Variants in COL22A1 observed in about 807,000 individuals in gnomAD.
The protein encoded by COL22A1 is collagen type XXII alpha 1 chain.
In COL22A1, 221 loss-of-function variants were observed where a neutral mutation model predicts 248.9. The ratio of observed to expected loss-of-function variants is 0.89; its 90% CI spans 0.80 to 0.99. COL22A1 has a LOEUF of 0.99. Ranked by LOEUF, COL22A1 falls within the 50% of genes least tolerant of loss-of-function variation. COL22A1 has a pLI of 0.00. For synonymous variants in COL22A1, 891 were observed against 793.4 expected, an observed-to-expected ratio of 1.12 and a Z score of -2.07; for missense variants, 2,240 against 2,179.0, an observed-to-expected ratio of 1.03 and a Z score of -0.56.
chr8:138,884,751 A>G (rs191535231), intron 1 of COL22A1, among the ~76,000 whole-genome samples: 68 of 152,292 alleles, frequency 4.5e-4, no homozygotes, highest in African/African-American at 1.6e-3. Flanking sequence ...GGGTTAGCCA[A>G]ACATAAAAAA....
At chr8:138,842,366 T>G (rs1820946969) in intron 4 of COL22A1, among the ~76,000 whole-genome samples, 1 of 152,178 alleles carries the variant, frequency 6.6e-6, no homozygotes, top group Admixed American at 6.5e-5. Flanking sequence ...TATGGATATG[T>G]GTGTTAGATA....
At chr8:138,694,091 A>G (rs901342376) in intron 34 of COL22A1, among the ~76,000 whole-genome samples, 2 of 152,158 alleles carry the variant, frequency 1.3e-5, no homozygotes, top group African/African-American at 4.8e-5. Flanking sequence ...GAATCAAAGC[A>G]CTAACATGTA....
intron 32 of COL22A1, among the ~76,000 whole-genome samples, chr8:138,698,654 C>T (rs191232971): frequency 6.0e-5 from 9 of 149,822 alleles, no homozygotes; most frequent in African/African-American, 2.2e-4. Flanking sequence ...GAAAGAGGTG[C>T]TGTGTCCCTC....
chr8:138,791,695 G>T (rs1418980347), intron 12 of COL22A1, among the ~76,000 whole-genome samples: 1 of 152,176 alleles, frequency 6.6e-6, no homozygotes. Context: ...GCTCTGAGAA[G>T]GCTGCATCCC....
At chr8:138,753,591 A>C (rs559867097) in intron 21 of COL22A1, among the ~76,000 whole-genome samples, 16 of 152,350 alleles carry the variant, frequency 1.1e-4, no homozygotes, top group African/African-American at 3.6e-4. Context: ...ATTCCAATTC[A>C]TCATCTAGAA....
At chr8:138,907,044 G>A (rs1240509296) in intron 1 of COL22A1, among the ~76,000 whole-genome samples, 1 of 152,222 alleles carries the variant, frequency 6.6e-6, no homozygotes, top group Non-Finnish European at 1.5e-5. Context: ...GTGGATAAGA[G>A]CACACAGAGG....
chr8:138,693,840 G>C, intron 34 of COL22A1, 141 bp from the exon 35 acceptor site: 1 of 832,800 alleles, frequency 1.2e-6, no homozygotes, highest in East Asian at 2.7e-5. Context: ...CCGTCTAAAA[G>C]GTGAAGAAAA....
chr8:138,879,008 A>AAAAAC (rs71316369), intron 2 of COL22A1, among the ~76,000 whole-genome samples: 13,632 of 151,326 alleles, frequency 0.09, 744 homozygotes, highest in Non-Finnish European at 0.11. Flanking sequence ...ACTCTGTCTC[A>AAAAAC]AAAACAAAAC....
intron 63 of COL22A1, 102 bp downstream of exon 63, chr8:138,593,915 T>C (rs1817295303): frequency 1.1e-6 from 1 of 885,352 alleles, no homozygotes; most frequent in Non-Finnish European, 1.7e-6. Context: ...CTACAGGGAA[T>C]GAGAGTGGCA....
At chr8:138,797,630 T>C (rs1029891544) in intron 11 of COL22A1, among the ~76,000 whole-genome samples, 3 of 152,216 alleles carry the variant, frequency 2.0e-5, no homozygotes, top group East Asian at 1.9e-4. Context: ...CTGGGTCATA[T>C]GGTAACTCTG....
chr8:138,670,025 T>G (rs1824874814), intron 41 of COL22A1, among the ~76,000 whole-genome samples: 1 of 152,026 alleles, frequency 6.6e-6, no homozygotes, highest in Non-Finnish European at 1.5e-5. Context: ...TAGCTGGGAT[T>G]ACAGGCACCC....
At chr8:138,855,692 A>T (rs1247313579) in intron 3 of COL22A1, among the ~76,000 whole-genome samples, 1 of 152,126 alleles carries the variant, frequency 6.6e-6, no homozygotes, top group Admixed American at 6.5e-5. Flanking sequence ...CTGAGCAACG[A>T]TTGTGCCCGG....
intron 1 of COL22A1, among the ~76,000 whole-genome samples, chr8:138,897,862 T>C (rs944255111): frequency 6.6e-6 from 1 of 151,364 alleles, no homozygotes; most frequent in Non-Finnish European, 1.5e-5. Flanking sequence ...CAAATTGCCA[T>C]GGACTGGGTG....
At chr8:138,784,723 A>T (rs867209763) in intron 12 of COL22A1, among the ~76,000 whole-genome samples, 2 of 152,326 alleles carry the variant, frequency 1.3e-5, no homozygotes, top group Middle Eastern at 3.4e-3. Flanking sequence ...CTTTACATCC[A>T]TCACTGCATT....
intron 1 of COL22A1, among the ~76,000 whole-genome samples, chr8:138,897,082 ATC>A (rs960479564): frequency 6.6e-6 from 1 of 152,000 alleles, no homozygotes; most frequent in Admixed American, 6.6e-5. Flanking sequence ...TCCATTATCT[ATC>A]TGTTTTATAG....
intron 41 of COL22A1, among the ~76,000 whole-genome samples, chr8:138,664,193 G>T (rs893809430): frequency 1.4e-5 from 1 of 70,744 alleles, no homozygotes; most frequent in African/African-American, 5.3e-5. Flanking sequence ...CCAACAAGGG[G>T]TGCGCGCGCG....
intron 7 of COL22A1, among the ~76,000 whole-genome samples, chr8:138,814,257 A>G (rs1586811081): frequency 6.6e-6 from 1 of 152,362 alleles, no homozygotes; most frequent in East Asian, 1.9e-4. Context: ...AGCAACGAGC[A>G]ATCTCCCAGT....
At chr8:138,708,060 C>T (rs1449740928) in intron 30 of COL22A1, among the ~76,000 whole-genome samples, 2 of 152,058 alleles carry the variant, frequency 1.3e-5, no homozygotes, top group East Asian at 1.9e-4. Flanking sequence ...AATAAAATAC[C>T]TAGGAATCCA....
At chr8:138,657,033 G>A (rs926469088) in intron 44 of COL22A1, among the ~76,000 whole-genome samples, 3 of 152,186 alleles carry the variant, frequency 2.0e-5, no homozygotes, top group Admixed American at 6.5e-5. Flanking sequence ...GGCCTGAAAC[G>A]TGCTGGTGGG....
Sources: gnomAD v4.1 joint callset for allele counts (sites outside exome capture counted in the v4.1 genomes callset) on GRCh38, gnomAD v4.1.1 for gene constraint, MANE v1.5 for transcripts, NCBI Gene and HGNC (gene_info 2026-07-23, HGNC 2026-07-21) for gene names.